Variants in PEBP4 observed in about 807,000 individuals in gnomAD.
The protein encoded by PEBP4 is phosphatidylethanolamine-binding protein 4.
Under a neutral mutation model 23.9 loss-of-function variants are expected in PEBP4, and 22 were observed. The ratio of observed to expected loss-of-function variants is 0.92; its 90% CI spans 0.66 to 1.31. PEBP4 has a LOEUF of 1.31. Among genes scored for constraint, PEBP4 ranks in the 40% most tolerant of loss-of-function variants. PEBP4 has a pLI of 0.00. For missense variants in PEBP4, 324 were observed against 281.7 expected (o/e 1.15, Z -1.07); for synonymous variants, 112 against 99.3 (o/e 1.13, Z -0.76).
At chr8:22,810,195 C>T (rs531098901) in intron 4 of PEBP4, among the ~76,000 whole-genome samples, 2 of 152,316 alleles carry the variant, frequency 1.3e-5, no homozygotes, top group East Asian at 3.9e-4. Context: ...TTCCAATAGG[C>T]TAGCCTTTCC....
intron 4 of PEBP4, among the ~76,000 whole-genome samples, chr8:22,759,801 A>G (rs980421951): frequency 6.6e-6 from 1 of 152,068 alleles, no homozygotes; most frequent in Non-Finnish European, 1.5e-5. Context: ...GCTGGTTCCG[A>G]AGGGCTCAAC....
chr8:22,844,281 C>T (rs1807382716), intron 3 of PEBP4, among the ~76,000 whole-genome samples: 1 of 152,090 alleles, frequency 6.6e-6, no homozygotes, highest in Non-Finnish European at 1.5e-5. Context: ...CTTTTGTTGC[C>T]CAGGCTGGAG....
chr8:22,779,291 G>A (rs566914470), intron 4 of PEBP4, among the ~76,000 whole-genome samples: 1 of 152,278 alleles, frequency 6.6e-6, no homozygotes, highest in Admixed American at 6.5e-5. Context: ...AGGCACGGGT[G>A]CTCCCCACAA....
intron 4 of PEBP4, among the ~76,000 whole-genome samples, chr8:22,813,308 A>T (rs188503410): frequency 6.6e-6 from 1 of 152,326 alleles, no homozygotes; most frequent in East Asian, 1.9e-4. Context: ...CAAAAAAGAT[A>T]TTCAGGGCAA....
intron 4 of PEBP4, chr8:22,798,468 C>T (rs1003625442): frequency 3.9e-5 from 6 of 153,286 alleles, no homozygotes; most frequent in Non-Finnish European, 7.3e-5. Flanking sequence ...AGCCTGCTGA[C>T]ATTATGCAAA....
At chr8:22,757,255 C>T (rs973360255) in intron 4 of PEBP4, 4 of 152,260 alleles carry the variant, frequency 2.6e-5, no homozygotes, top group African/African-American at 9.6e-5. Flanking sequence ...TGAGAAGTAG[C>T]TGAGCTGGGG....
At chr8:22,752,421 G>C (rs1654128823) in intron 4 of PEBP4, among the ~76,000 whole-genome samples, 1 of 152,196 alleles carries the variant, frequency 6.6e-6, no homozygotes, top group African/African-American at 2.4e-5. Context: ...CCTGGCCATA[G>C]ACCCTGTGGA....
At chr8:22,807,884 C>T (rs556340139) in intron 4 of PEBP4, among the ~76,000 whole-genome samples, 1 of 151,962 alleles carries the variant, frequency 6.6e-6, no homozygotes, top group East Asian at 1.9e-4. Context: ...TCCATCCATC[C>T]ATCCATCCAT....
chr8:22,801,784 G>A (rs981473170), intron 4 of PEBP4, among the ~76,000 whole-genome samples: 1 of 151,960 alleles, frequency 6.6e-6, no homozygotes, highest in Non-Finnish European at 1.5e-5. Context: ...CCCAGCCACC[G>A]TGGCCCTCCC....
At chr8:22,880,380 T>C (rs1808222925) in intron 3 of PEBP4, 1 of 152,184 alleles carries the variant, frequency 6.6e-6, no homozygotes, top group South Asian at 2.1e-4. Flanking sequence ...TGTGAGGTAT[T>C]GTTATTTCGG....
chr8:22,818,511 G>T (rs1436396505), intron 3 of PEBP4, among the ~76,000 whole-genome samples: 1 of 152,168 alleles, frequency 6.6e-6, no homozygotes, highest in Non-Finnish European at 1.5e-5. Flanking sequence ...GGGGAGGGTG[G>T]ACATGGCAGG....
intron 4 of PEBP4, among the ~76,000 whole-genome samples, chr8:22,766,293 C>A (rs1289886272): frequency 6.6e-6 from 1 of 152,244 alleles, no homozygotes; most frequent in Non-Finnish European, 1.5e-5. Flanking sequence ...TCACAGGCAT[C>A]TGGGAAATGC....
intron 3 of PEBP4, among the ~76,000 whole-genome samples, chr8:22,907,286 C>A (rs970568974): frequency 1.3e-5 from 2 of 152,088 alleles, no homozygotes; most frequent in African/African-American, 4.8e-5. Context: ...ATGGTGAAAC[C>A]CTGTCTTTAC....
chr8:22,874,546 C>T (rs892633718), intron 3 of PEBP4, among the ~76,000 whole-genome samples: 2 of 152,006 alleles, frequency 1.3e-5, no homozygotes, highest in Non-Finnish European at 2.9e-5. Flanking sequence ...TTTGATACAA[C>T]CCCCCTTTCG....
Position 22,715,259 on chromosome 8 carries a change from C to T in PEBP4, c.518-1723G>A, listed in dbSNP as rs185412866. Among the ~76,000 whole-genome samples, 18 of 152,308 alleles carry T rather than the reference C, an allele frequency of 1.2e-4. No individual in the cohort carries two copies. The East Asian group carries it at 3.1e-3, about 26-fold the overall frequency. On this transcript the variant is annotated intron_variant, in intron 6 of 6. Transcript: ENST00000256404. ...CCGGTGGAGGTGTACTGACTGCAGC[C>T]GGGTTCTCCTAGGAGGCTCAGTGTC...
chr8:22,938,998 G>A (rs1047955019), intron 1 of PEBP4, among the ~76,000 whole-genome samples: 3 of 152,194 alleles, frequency 2.0e-5, no homozygotes, highest in African/African-American at 7.2e-5. Flanking sequence ...ACATGCACTT[G>A]GGCCATCTTT....
chr8:22,748,526 C>G (rs1217787782), intron 4 of PEBP4, among the ~76,000 whole-genome samples: 1 of 151,572 alleles, frequency 6.6e-6, no homozygotes, highest in Non-Finnish European at 1.5e-5. Context: ...TGCTCAGGGT[C>G]AAGTCCTTAG....
intron 4 of PEBP4, among the ~76,000 whole-genome samples, chr8:22,786,916 G>A (rs1806040009): frequency 6.6e-6 from 1 of 151,940 alleles, no homozygotes; most frequent in South Asian, 2.1e-4. Flanking sequence ...AACCTCCAAG[G>A]CCCAAGTGAT....
intron 3 of PEBP4, among the ~76,000 whole-genome samples, chr8:22,888,943 A>G (rs1437886581): frequency 6.6e-6 from 1 of 152,232 alleles, no homozygotes; most frequent in East Asian, 1.9e-4. Flanking sequence ...CTCCGCCAGG[A>G]AGCCTTCCAG....
Sources: allele counts gnomAD v4.1 joint callset (sites outside exome capture counted in the v4.1 genomes callset), GRCh38; gene constraint gnomAD v4.1.1; transcripts MANE v1.5; gene names NCBI Gene and HGNC (gene_info 2026-07-23, HGNC 2026-07-21).